MEI4: variants seen among roughly 807,000 people sequenced by gnomAD.
MEI4 encodes the protein meiosis-specific protein MEI4.
Under a neutral mutation model 31.4 loss-of-function variants are expected in MEI4, and 27 were observed. That is an observed-to-expected ratio of 0.86 (90% CI 0.63 to 1.19). The LOEUF (loss-of-function observed/expected upper bound fraction) is 1.19. MEI4 is among the 50% of genes most tolerant of loss of function. The pLI is 0.00. For synonymous variants in MEI4, 122 were observed against 145.4 expected (o/e 0.84, Z 1.16); for missense variants, 329 against 398.9 (o/e 0.82, Z 1.49).
rs188833936 is a variant in MEI4 at position 77,665,982 on chromosome 6, G to A, written c.-15+12890G>A. On this transcript the variant is annotated intron_variant, in intron 1 of 4. Coordinates refer to ENST00000684080, the MANE Select transcript of MEI4 (RefSeq NM_001322247.2). ...TTTCCCAAGGGAGGTCCCCCGATCC[G>A]AGTCACGGCACCAAATTTCATGTGT... 3.1e-3 allele frequency among the ~76,000 whole-genome samples: 472 copies of A among 152,254 alleles called. 13 individuals carry two copies. Among genetic ancestry groups the A allele is most frequent in the Admixed American group, 0.027 (410 of 15,292 alleles).
intron 3 of MEI4, among the ~76,000 whole-genome samples, chr6:77,822,431 A>C (rs1203808102): frequency 6.6e-6 from 1 of 152,156 alleles, no homozygotes; most frequent in Non-Finnish European, 1.5e-5. Context: ...TTTTGTGTCT[A>C]ACGTAATGGT....
rs112745051 is a variant in MEI4 at position 77,739,919 on chromosome 6, T to C, written c.233-21211T>C. ...GTTATTAAATTGAGATCTTTCTAAC[T>C]TTCTGATGTGGATGTTTAATGCTAT... On this transcript the variant is annotated intron_variant, in intron 2 of 4. Transcript: ENST00000684080. 5.2e-3 allele frequency among the ~76,000 whole-genome samples: 787 copies of C among 152,284 alleles called. 7 individuals carry two copies. The highest frequency in any genetic ancestry group is 0.018 in the African/African-American group (768 of 41,554).
intron 2 of MEI4, among the ~76,000 whole-genome samples, chr6:77,695,083 A>T (rs957517684): frequency 1.3e-5 from 2 of 152,138 alleles, no homozygotes; most frequent in East Asian, 1.9e-4. Context: ...GTCTGTTCGT[A>T]TCCTTCGCCC....
chr6:77,835,944 C>T (rs546834557), intron 4 of MEI4, among the ~76,000 whole-genome samples: 1 of 151,736 alleles, frequency 6.6e-6, no homozygotes, highest in African/African-American at 2.4e-5. Context: ...CATTTTTTTA[C>T]AAATTGTAAA....
chr6:77,890,297 C>A (rs1390086216), intron 4 of MEI4, among the ~76,000 whole-genome samples: 1 of 152,222 alleles, frequency 6.6e-6, no homozygotes, highest in Non-Finnish European at 1.5e-5. Flanking sequence ...GCCATGGGAG[C>A]CCACCTCTAG....
intron 4 of MEI4, among the ~76,000 whole-genome samples, chr6:77,836,879 G>C (rs1237411425): frequency 6.6e-6 from 1 of 151,930 alleles, no homozygotes; most frequent in Non-Finnish European, 1.5e-5. Flanking sequence ...AGAGATTAGG[G>C]ACCCTGGGCA....
intron 2 of MEI4, among the ~76,000 whole-genome samples, chr6:77,700,734 C>T (rs1766197937): frequency 6.6e-6 from 1 of 152,214 alleles, no homozygotes; most frequent in South Asian, 2.1e-4. Flanking sequence ...GCCATCTTGG[C>T]TCCACCCTGA....
intron 2 of MEI4, among the ~76,000 whole-genome samples, chr6:77,726,630 A>T (rs1204269491): frequency 6.6e-6 from 1 of 152,180 alleles, no homozygotes. Flanking sequence ...GAGGGGAGAC[A>T]TTAAAGGACC....
chr6:77,858,823 T>A (rs1554169694), intron 4 of MEI4, among the ~76,000 whole-genome samples: 1 of 151,922 alleles, frequency 6.6e-6, no homozygotes, highest in Non-Finnish European at 1.5e-5. Flanking sequence ...TTTTTGTAAT[T>A]CCCTTTAATC....
intron 2 of MEI4, among the ~76,000 whole-genome samples, chr6:77,737,335 G>C (rs1265665383): frequency 6.6e-6 from 1 of 152,182 alleles, no homozygotes. Flanking sequence ...TCATAGCTCA[G>C]GTCTTACATG....
At position 77,788,454 on chromosome 6, in the gene MEI4, A is replaced by G. The variant is rs1582142676; in HGVS notation, c.768+26789A>G. Among the ~76,000 whole-genome samples the G allele has an allele frequency of 3.9e-5, 6 of 152,338 alleles. No individual in the cohort carries two copies. In the South Asian group the frequency reaches 1.2e-3, roughly 32 times the overall value. On this transcript the variant is annotated intron_variant, in intron 3 of 4. Coordinates refer to ENST00000684080, the MANE Select transcript of MEI4 (RefSeq NM_001322247.2). ...AGGGCATTCAATTAGGAAAAGAGGAAGTCAGATTGTCCCTGTTTGCAGATT... is the reference window on the plus strand; with the variant it reads ...AGGGCATTCAATTAGGAAAAGAGGAGGTCAGATTGTCCCTGTTTGCAGATT...
chr6:77,854,939 C>A (rs1770710955), intron 4 of MEI4, among the ~76,000 whole-genome samples: 1 of 129,972 alleles, frequency 7.7e-6, no homozygotes, highest in African/African-American at 3.0e-5. Context: ...ATTTAAGGAT[C>A]AACTTATGCT....
At chr6:77,744,781 C>G (rs928124177) in intron 2 of MEI4, among the ~76,000 whole-genome samples, 1 of 152,160 alleles carries the variant, frequency 6.6e-6, no homozygotes, top group African/African-American at 2.4e-5. Flanking sequence ...TCGGCAGAAA[C>G]CCTAGAAGCC....
At chr6:77,700,489 C>T (rs1313525189) in intron 2 of MEI4, among the ~76,000 whole-genome samples, 1 of 152,200 alleles carries the variant, frequency 6.6e-6, no homozygotes, top group Admixed American at 6.5e-5. Flanking sequence ...CAGGTGCTGT[C>T]TATTACCCCT....
chr6:77,736,224 CT>C (rs1767208139), intron 2 of MEI4, among the ~76,000 whole-genome samples: 1 of 152,010 alleles, frequency 6.6e-6, no homozygotes, highest in African/African-American at 2.4e-5. Flanking sequence ...GCGGGCGCCC[CT>C]CCCCCAACCT....
At position 77,778,170 on chromosome 6, in the gene MEI4, A is replaced by G. The variant is rs531889075; in HGVS notation, c.768+16505A>G. Among the ~76,000 whole-genome samples the G allele has an allele frequency of 1.2e-3, 173 of 145,216 alleles. 1 individual carries two copies. Among genetic ancestry groups the G allele is most frequent in the African/African-American group, 3.8e-3 (149 of 39,424 alleles). On this transcript the variant is annotated intron_variant, in intron 3 of 4. Coordinates refer to ENST00000684080, the MANE Select transcript of MEI4 (RefSeq NM_001322247.2). The stretch of plus-strand genomic sequence containing the variant: ...GGTGGTGGGGTGGGAAGGAAGGGAA[A>G]GGGGGAGAGAGGGAGAAAAGGGAGA...
At chr6:77,865,167 A>G (rs956904999) in intron 4 of MEI4, among the ~76,000 whole-genome samples, 1 of 152,244 alleles carries the variant, frequency 6.6e-6, no homozygotes, top group African/African-American at 2.4e-5. Flanking sequence ...TCACAATTAA[A>G]AGAACTAGAG....
At chr6:77,819,724 C>G (rs1024250401) in intron 3 of MEI4, among the ~76,000 whole-genome samples, 1 of 151,904 alleles carries the variant, frequency 6.6e-6, no homozygotes, top group African/African-American at 2.4e-5. Flanking sequence ...TAATAAAGGC[C>G]TTTCTTTTTA....
Position 77,737,397 on chromosome 6 carries a change from T to G in MEI4, c.233-23733T>G, listed in dbSNP as rs112203203. ...AGGTGCTGGTATTTTTAAAAGATTT[T>G]TAGTTGTTCTGAAATATTGAGCTCT... is the stretch of plus-strand genomic sequence containing the variant. On this transcript the variant is annotated intron_variant, in intron 2 of 4. Transcript: ENST00000684080. Among the ~76,000 whole-genome samples the G allele has an allele frequency of 1.9e-3, 285 of 152,164 alleles. 1 individual carries two copies. Among genetic ancestry groups the G allele is most frequent in the African/African-American group, 6.8e-3 (280 of 41,462 alleles).
Sources: gnomAD v4.1 joint callset for allele counts (sites outside exome capture counted in the v4.1 genomes callset) on GRCh38, gnomAD v4.1.1 for gene constraint, MANE v1.5 for transcripts, NCBI Gene and HGNC (gene_info 2026-07-23, HGNC 2026-07-21) for gene names.